The following CDKL3 variants were observed in gnomAD, a reference collection of about 807,000 sequenced individuals.
CDKL3 encodes the protein cyclin dependent kinase like 3, also known as cyclin-dependent kinase-like 3.
CDKL3 carries 65 observed loss-of-function variants against 69.3 expected under a neutral mutation model. The ratio of observed to expected loss-of-function variants is 0.94; its 90% CI spans 0.77 to 1.15. The LOEUF (loss-of-function observed/expected upper bound fraction) is 1.15, where lower values mean the gene tolerates loss of function less well. Ranked by LOEUF, CDKL3 falls within the 50% of genes most tolerant of loss-of-function variation. The pLI, the probability that CDKL3 is intolerant of heterozygous loss-of-function variation, is 0.00. For synonymous variants in CDKL3, 202 were observed against 221.6 expected (o/e 0.91, Z 0.79); for missense variants, 652 against 689.2 (o/e 0.95, Z 0.61).
At chr5:134,328,245 C>A (rs2149512211) in intron 4 of CDKL3, among the ~76,000 whole-genome samples, 1 of 152,030 alleles carries the variant, frequency 6.6e-6, no homozygotes, top group African/African-American at 2.4e-5. Flanking sequence ...GTTCACAGAA[C>A]TAAAGGAAAG....
At chr5:134,333,791 C>T (rs1231740245) in intron 4 of CDKL3, among the ~76,000 whole-genome samples, 1 of 152,144 alleles carries the variant, frequency 6.6e-6, no homozygotes, top group Non-Finnish European at 1.5e-5. Flanking sequence ...TGTGTTTCTG[C>T]CAGGCTTTTG....
chr5:134,296,952 CTT>C (rs111349325), downstream of CDKL3, among the ~76,000 whole-genome samples: 12 of 131,258 alleles, frequency 9.1e-5, no homozygotes, highest in Admixed American at 1.6e-4. Context: ...CTTTTCTTTT[CTT>C]TTTTTTTTTT....
At chr5:134,316,423 C>T (rs1771076470) in intron 6 of CDKL3, among the ~76,000 whole-genome samples, 2 of 152,080 alleles carry the variant, frequency 1.3e-5, no homozygotes, top group African/African-American at 4.8e-5. Context: ...GACAGTGAAA[C>T]CCCGTCTCTA....
Position 134,350,495 on chromosome 5 carries a change from ATAC to A in CDKL3, c.361-71_361-69del, listed in dbSNP as rs994637075. 9.7e-5 allele frequency: 106 copies of A among 1,095,422 alleles called. No individual in the cohort carries two copies. The African/African-American group carries it at 1.6e-3, about 17-fold the overall frequency. The allele number at this position is 1,095,422 out of a possible 1,614,324, so 67.9% of individuals were successfully genotyped here. A position where few individuals can be genotyped will look rare whatever the true frequency, so the allele number is the denominator to read the frequency against. On this transcript the variant is annotated intron_variant, in intron 3 of 12. Transcript: ENST00000265334. ...CATTATCCAGAATCTCTCAAAAATT[ATAC>A]TGAGAAAATCTAGCTAATTAAGATA...
chr5:134,318,968 AT>A (rs1279987855), intron 6 of CDKL3: 2 of 153,278 alleles, frequency 1.3e-5, no homozygotes, highest in African/African-American at 4.8e-5. Flanking sequence ...TAAAGTGATA[AT>A]TAAAAACTGT....
chr5:134,312,200 T>C (rs1046225048), intron 7 of CDKL3, 92 bp downstream of exon 7: 3 of 726,424 alleles, frequency 4.1e-6, no homozygotes, highest in Admixed American at 2.9e-5. Flanking sequence ...ATATTTGTTA[T>C]ATAAAAGTAA....
At chr5:134,344,695 G>A (rs6888868) in intron 4 of CDKL3, among the ~76,000 whole-genome samples, 1,864 of 152,182 alleles carry the variant, frequency 0.012, 32 homozygotes, top group African/African-American at 0.043. Context: ...AGGCTGAGGC[G>A]GGAGGATCAC....
Position 134,350,385 on chromosome 5 carries a change from GGGATACTAAAATATTCTCA to G in CDKL3, c.384_402del (p.Glu129SerfsTer16). On this transcript the variant is annotated frameshift_variant, in exon 4 of 13. Coordinates refer to ENST00000265334, the MANE Select transcript of CDKL3 (RefSeq NM_001113575.2). LOFTEE classifies it high-confidence loss of function. ...TCACAGAGCTTAGTAATTCCTGACT[GGGATACTAAAATATTCTCA>G]GGTTTTATATCTCGATGAATGATCT... 6.4e-7 allele frequency: 1 copy of G among 1,574,756 alleles called. No homozygotes were observed. Among genetic ancestry groups the G allele is most frequent in the South Asian group, 1.2e-5 (1 of 85,744 alleles).
chr5:134,369,603 G>T (rs1290749291), upstream of CDKL3, among the ~76,000 whole-genome samples: 1 of 54,958 alleles, frequency 1.8e-5, no homozygotes, highest in South Asian at 9.8e-4. Context: ...GGTTGTTGCG[G>T]GATTTTTTTG....
intron 9 of CDKL3, among the ~76,000 whole-genome samples, chr5:134,307,735 A>T (rs1377251953): frequency 6.6e-6 from 1 of 152,222 alleles, no homozygotes; most frequent in Non-Finnish European, 1.5e-5. Flanking sequence ...AGGCTATTTG[A>T]CTTACGAAAG....
intron 4 of CDKL3, among the ~76,000 whole-genome samples, chr5:134,340,626 C>T (rs1750247204): frequency 6.6e-6 from 1 of 152,056 alleles, no homozygotes; most frequent in Non-Finnish European, 1.5e-5. Context: ...TGAATAGCTT[C>T]CCAGAAAAAC....
At position 134,305,015 on chromosome 5, in the gene CDKL3, C is replaced by A. The variant is rs149326522; in HGVS notation, c.1459-448G>T. Among the ~76,000 whole-genome samples the A allele has an allele frequency of 4.0e-5, 6 of 151,642 alleles. 1 individual carries two copies. Among genetic ancestry groups the A allele is most frequent in the African/African-American group, 1.5e-4 (6 of 41,352 alleles). The stretch of plus-strand genomic sequence containing the variant: ...TAGAGATGGGGTCTTGTTAGGTTGA[C>A]TAGGCTGATCTCAAACTCCTGGGCT... On this transcript the variant is annotated intron_variant, in intron 10 of 12. Coordinates refer to ENST00000265334, the MANE Select transcript of CDKL3 (RefSeq NM_001113575.2).
chr5:134,286,614 T>C (rs1764878693), intron 8 of CDKL3: 1 of 152,782 alleles, frequency 6.5e-6, no homozygotes, highest in African/African-American at 2.4e-5. Context: ...CAGTTCCACA[T>C]GGCTGGGGAG....
chr5:134,340,963 G>C (rs1181508483), intron 4 of CDKL3, among the ~76,000 whole-genome samples: 1 of 152,070 alleles, frequency 6.6e-6, no homozygotes, highest in Non-Finnish European at 1.5e-5. Flanking sequence ...ACTGAATCCA[G>C]CATCATATAA....
intron 7 of CDKL3, among the ~76,000 whole-genome samples, 200 bp downstream of exon 7, chr5:134,312,092 A>G (rs1396304231): frequency 2.0e-5 from 3 of 152,134 alleles, no homozygotes; most frequent in Non-Finnish European, 4.4e-5. Flanking sequence ...CACTATGCCC[A>G]TCCTATTATT....
At chr5:134,315,051 A>C (rs1365334349) in intron 6 of CDKL3, among the ~76,000 whole-genome samples, 1 of 152,204 alleles carries the variant, frequency 6.6e-6, no homozygotes, top group Non-Finnish European at 1.5e-5. Context: ...TGTGCCCTAC[A>C]TCAGATATCA....
intron 11 of CDKL3, 45 bp downstream of exon 11, chr5:134,304,360 T>A: frequency 1.4e-6 from 2 of 1,426,236 alleles, no homozygotes; most frequent in Non-Finnish European, 1.9e-6. Context: ...AAAAATCTTA[T>A]AAATGATATC....
chr5:134,305,497 T>C (rs1370029464), intron 10 of CDKL3, among the ~76,000 whole-genome samples: 1 of 152,228 alleles, frequency 6.6e-6, no homozygotes, highest in Admixed American at 6.5e-5. Flanking sequence ...ATTTTCTTAA[T>C]AACTTCTTTA....
chr5:134,358,480 CA>C (rs1755160287), intron 3 of CDKL3, among the ~76,000 whole-genome samples: 1 of 152,160 alleles, frequency 6.6e-6, no homozygotes, highest in East Asian at 1.9e-4. Flanking sequence ...TAAACAGATA[CA>C]AAGATAACAC....
Sources: allele counts gnomAD v4.1 joint callset (sites outside exome capture counted in the v4.1 genomes callset), GRCh38; gene constraint gnomAD v4.1.1; transcripts MANE v1.5; gene names NCBI Gene and HGNC (gene_info 2026-07-23, HGNC 2026-07-21).